Variants in LARGE1 observed in about 807,000 individuals in gnomAD.
The protein encoded by LARGE1 is LARGE xylosyl- and glucuronyltransferase 1.
Under a neutral mutation model 87.6 loss-of-function variants are expected in LARGE1, and 43 were observed. The observed-to-expected ratio is 0.49, with a 90% CI of 0.38 to 0.63. LARGE1 has a LOEUF of 0.63. Ranked by LOEUF, LARGE1 falls within the 30% of genes least tolerant of loss-of-function variation. The pLI, the probability that LARGE1 is intolerant of heterozygous loss-of-function variation, is 0.00. For synonymous variants in LARGE1, 434 were observed against 394.6 expected, an observed-to-expected ratio of 1.10 and a Z score of -1.18; for missense variants, 802 against 1,000.2, an observed-to-expected ratio of 0.80 and a Z score of 2.67.
At chr22:33,569,587 A>G (rs1374005697) in intron 5 of LARGE1, among the ~76,000 whole-genome samples, 1 of 152,234 alleles carries the variant, frequency 6.6e-6, no homozygotes, top group African/African-American at 2.4e-5. Context: ...AGAAGCAGGT[A>G]CATTTATTAC....
At chr22:33,871,424 C>T (rs550939704) in intron 1 of LARGE1, among the ~76,000 whole-genome samples, 1 of 152,274 alleles carries the variant, frequency 6.6e-6, no homozygotes, top group Non-Finnish European at 1.5e-5. Flanking sequence ...CTCAGCCTGC[C>T]AGGTGCTCCA....
intron 1 of LARGE1, among the ~76,000 whole-genome samples, chr22:33,836,141 CT>C (rs954460922): frequency 8.5e-5 from 13 of 152,328 alleles, no homozygotes; most frequent in African/African-American, 3.1e-4. Flanking sequence ...GTTCAGCCTG[CT>C]TCCTACAGAG....
intron 2 of LARGE1, among the ~76,000 whole-genome samples, chr22:33,755,543 C>G (rs932791135): frequency 6.6e-6 from 1 of 152,140 alleles, no homozygotes; most frequent in African/African-American, 2.4e-5. Context: ...CACAATAAAA[C>G]CCACTGGGCT....
At chr22:33,144,681 T>C in the LARGE1 span, among the ~76,000 whole-genome samples, 1 of 152,122 alleles carries the variant, frequency 6.6e-6, no homozygotes, top group Non-Finnish European at 1.5e-5. Context: ...CCAAAGGTGG[T>C]GGAAAAGAGT....
intron 7 of LARGE1, among the ~76,000 whole-genome samples, chr22:33,406,484 G>T (rs1284030058): frequency 6.6e-6 from 1 of 152,028 alleles, no homozygotes; most frequent in African/African-American, 2.4e-5. Flanking sequence ...AAGCCTGTGT[G>T]ATGAAACATC....
intron 1 of LARGE1, among the ~76,000 whole-genome samples, chr22:33,877,876 C>T (rs1349826590): frequency 6.6e-6 from 1 of 151,610 alleles, no homozygotes; most frequent in East Asian, 1.9e-4. Flanking sequence ...GAGCCGAGAT[C>T]ATGCCACTCC....
chr22:33,661,103 A>G (rs2081109499), intron 2 of LARGE1, among the ~76,000 whole-genome samples: 1 of 152,088 alleles, frequency 6.6e-6, no homozygotes, highest in African/African-American at 2.4e-5. Context: ...TTTTGCATTC[A>G]TCATACTGAG....
the LARGE1 span, among the ~76,000 whole-genome samples, chr22:33,146,456 C>T: frequency 2.0e-5 from 3 of 152,140 alleles, no homozygotes; most frequent in South Asian, 2.1e-4. Context: ...TTTCCAATGA[C>T]GTGTAAGTTA....
At chr22:33,824,295 C>T (rs901304137) in intron 1 of LARGE1, among the ~76,000 whole-genome samples, 1 of 152,162 alleles carries the variant, frequency 6.6e-6, no homozygotes, top group Non-Finnish European at 1.5e-5. Flanking sequence ...GTACAGGAAG[C>T]ATGGCTGGGA....
At chr22:33,309,873 G>A (rs1935370185) in intron 11 of LARGE1, among the ~76,000 whole-genome samples, 2 of 152,140 alleles carry the variant, frequency 1.3e-5, no homozygotes, top group Non-Finnish European at 2.9e-5. Flanking sequence ...CAGGCTGGAT[G>A]GGCCTTGAAG....
At chr22:33,157,656 G>A (rs76031522), downstream of LARGE1, among the ~76,000 whole-genome samples, 1,336 of 152,268 alleles carry the variant, frequency 8.8e-3, 19 homozygotes, top group African/African-American at 0.03. Context: ...AAATACTCAT[G>A]AAGGATGATC....
chr22:33,085,409 T>C, the LARGE1 span, among the ~76,000 whole-genome samples: 3 of 152,254 alleles, frequency 2.0e-5, no homozygotes, highest in Non-Finnish European at 4.4e-5. Flanking sequence ...TTGACAAAAC[T>C]GGCTCATCAT....
chr22:33,442,278 A>C (rs2067506960), intron 6 of LARGE1, among the ~76,000 whole-genome samples: 1 of 152,214 alleles, frequency 6.6e-6, no homozygotes, highest in Admixed American at 6.5e-5. Context: ...ACTCTGCACC[A>C]GGATCTGTGC....
chr22:33,856,414 G>A (rs570733346), intron 1 of LARGE1, among the ~76,000 whole-genome samples: 85 of 152,298 alleles, frequency 5.6e-4, no homozygotes, highest in African/African-American at 1.9e-3. Flanking sequence ...GACTTAAGGC[G>A]CAGCTCCTAG....
intron 1 of LARGE1, among the ~76,000 whole-genome samples, chr22:33,846,111 T>C (rs1292148724): frequency 2.0e-5 from 3 of 152,218 alleles, no homozygotes; most frequent in African/African-American, 7.2e-5. Context: ...GTATACTTCC[T>C]GTGACTTCAT....
Position 33,782,037 on chromosome 22 carries a change from A to G in LARGE1, c.-82-20479T>C, listed in dbSNP as rs2085439627. Reference sequence around the variant, plus strand: ...AGGAGGTAGTTCTCTAATACAATGTAAATTATCTGCATGGGGAAAATGAGG... The same window carrying G: ...AGGAGGTAGTTCTCTAATACAATGTGAATTATCTGCATGGGGAAAATGAGG... On this transcript the variant is annotated intron_variant, in intron 1 of 14. Coordinates refer to ENST00000397394, the MANE Select transcript of LARGE1 (RefSeq NM_133642.5). Among the ~76,000 whole-genome samples the G allele has an allele frequency of 2.0e-5, 3 of 152,174 alleles. No homozygotes were observed. The South Asian group carries it at 6.2e-4, about 32-fold the overall frequency.
At chr22:33,293,262 A>G (rs1217076212) in intron 12 of LARGE1, among the ~76,000 whole-genome samples, 1 of 152,234 alleles carries the variant, frequency 6.6e-6, no homozygotes, top group African/African-American at 2.4e-5. Flanking sequence ...ATTATAATAA[A>G]TGCTTACATG....
rs909678790 is a variant in LARGE1, at chr22:33,466,728, T to A, written c.788-34463A>T. On this transcript the variant is annotated intron_variant, in intron 6 of 14. Coordinates refer to ENST00000397394, the MANE Select transcript of LARGE1 (RefSeq NM_133642.5). Reference sequence around the variant, plus strand: ...CACACACACACATACACACACACACTACACACACACACCTTAAGAGTTTGT... The same window carrying A: ...CACACACACACATACACACACACACAACACACACACACCTTAAGAGTTTGT... 6.8e-3 allele frequency among the ~76,000 whole-genome samples: 716 copies of A among 105,740 alleles called. 8 individuals carry two copies. The highest frequency in any genetic ancestry group is 0.025 in the African/African-American group (681 of 27,296). 69.4% of individuals were successfully genotyped at this position (105,740 alleles called of 152,430 possible). A position where few individuals can be genotyped will look rare whatever the true frequency, so the allele number is the denominator to read the frequency against.
chr22:33,096,370 A>G, the LARGE1 span, among the ~76,000 whole-genome samples: 1 of 148,780 alleles, frequency 6.7e-6, no homozygotes, highest in Non-Finnish European at 1.5e-5. Flanking sequence ...AGCCGAGGTC[A>G]TTCCAGTGCA....
Sources: allele counts gnomAD v4.1 joint callset (sites outside exome capture counted in the v4.1 genomes callset), GRCh38; gene constraint gnomAD v4.1.1; transcripts MANE v1.5; gene names NCBI Gene and HGNC (gene_info 2026-07-23, HGNC 2026-07-21).